FAM200B: variants seen among roughly 807,000 people sequenced by gnomAD.
The protein encoded by FAM200B is protein FAM200B.
Under a neutral mutation model 33.1 loss-of-function variants are expected in FAM200B, and 32 were observed. The ratio of observed to expected loss-of-function variants is 0.97; its 90% CI spans 0.73 to 1.30. The LOEUF (loss-of-function observed/expected upper bound fraction) is 1.30. FAM200B is among the 50% of genes most tolerant of loss of function. The pLI, the probability that FAM200B is intolerant of heterozygous loss-of-function variation, is 0.00. For missense variants in FAM200B, 741 were observed against 754.0 expected, an observed-to-expected ratio of 0.98 and a Z score of 0.20; for synonymous variants, 240 against 264.8, an observed-to-expected ratio of 0.91 and a Z score of 0.91.
the FAM200B span, among the ~76,000 whole-genome samples, chr4:15,642,787 A>G: frequency 6.6e-6 from 1 of 152,138 alleles, no homozygotes; most frequent in Admixed American, 6.5e-5. Flanking sequence ...ACCACCTCCT[A>G]TTCATAAATG....
chr4:15,667,011 G>GT, the FAM200B span, among the ~76,000 whole-genome samples: 1 of 151,980 alleles, frequency 6.6e-6, no homozygotes, highest in South Asian at 2.1e-4. Context: ...CAAAATAATC[G>GT]TAATTTTAAA....
the FAM200B span, chr4:15,656,263 C>A: frequency 2.2e-6 from 1 of 456,222 alleles, no homozygotes; most frequent in Admixed American, 2.3e-5. Flanking sequence ...CATAAATCGC[C>A]TGGCCCTGGC....
chr4:15,643,558 A>T, the FAM200B span, among the ~76,000 whole-genome samples: 1 of 131,648 alleles, frequency 7.6e-6, no homozygotes, highest in Non-Finnish European at 1.6e-5. Flanking sequence ...GGCGCCTGCC[A>T]CTATGTCTGG....
rs1328394692 is a variant in FAM200B, at chr4:15,687,692, A to G, written c.715A>G (p.Thr239Ala). Residue 239 changes from threonine (T) to alanine (A), a missense_variant, in exon 2 of 2, where the codon ACA (threonine) becomes GCA (alanine). Physicochemically the swap from Thr to Ala is moderately conservative, Grantham distance 58. Coordinates refer to ENST00000422728, the MANE Select transcript of FAM200B (RefSeq NM_001145191.2). Reference sequence around the variant, plus strand: ...TGAAAGCACTGATATTGGAAGCTGCACAACACTTTTAGTTTATGTCAGATA... The same window carrying G: ...TGAAAGCACTGATATTGGAAGCTGCGCAACACTTTTAGTTTATGTCAGATA... ...LDESTDIGSC[T>A]TLLVYVRYAW... The G allele has an allele frequency of 6.4e-7, 1 of 1,551,336 alleles. No individual in the cohort carries two copies. The highest frequency in any genetic ancestry group is 1.2e-5 in the South Asian group (1 of 84,054).
rs1235348681 is a variant in FAM200B at position 15,688,794 on chromosome 4, C to G, written c.1817C>G (p.Thr606Arg). ...AGTGTCCTGCTATTGCTACCATTCA[C>G]AACAACTAGTTTGTGTGAACTAGGG... ...RKSVLLLLPF[T>R]TTSLCELGFS... Residue 606 changes from threonine (T) to arginine (R), a missense_variant, in exon 2 of 2, where the codon ACA (threonine) becomes AGA (arginine). By Grantham distance (71) the Thr-to-Arg change is moderately conservative. Transcript: ENST00000422728. The G allele has an allele frequency of 6.4e-7, 1 of 1,551,288 alleles. No individual in the cohort carries two copies. Among genetic ancestry groups the G allele is most frequent in the East Asian group, 2.4e-5 (1 of 40,894 alleles).
At chr4:15,641,666 G>A in the FAM200B span, 2 of 447,780 alleles carry the variant, frequency 4.5e-6, no homozygotes, top group Non-Finnish European at 8.8e-6. Context: ...AGTTATACGT[G>A]GATTTTCAAC....
chr4:15,655,218 G>T, the FAM200B span: 1 of 1,433,698 alleles, frequency 7.0e-7, no homozygotes, highest in South Asian at 1.3e-5. Context: ...TCGCAGTAGA[G>T]CCCCACCAGC....
At chr4:15,671,427 T>C in the FAM200B span, among the ~76,000 whole-genome samples, 2 of 152,130 alleles carry the variant, frequency 1.3e-5, no homozygotes, top group Admixed American at 6.5e-5. Context: ...AATTTGATTA[T>C]GGTGTACTCT....
At chr4:15,682,382 T>C (rs1033221891) in intron 1 of FAM200B, among the ~76,000 whole-genome samples, 1 of 152,044 alleles carries the variant, frequency 6.6e-6, no homozygotes, top group Admixed American at 6.6e-5. Flanking sequence ...AGAAAAAAGG[T>C]AGAAACAAAA....
At chr4:15,638,797 A>G in the FAM200B span, 6 of 676,322 alleles carry the variant, frequency 8.9e-6, no homozygotes, top group Non-Finnish European at 1.4e-5. Flanking sequence ...TTATGACCAT[A>G]TATCTCAAAA....
In FAM200B at chr4:15,687,344, CAAAG is replaced by C. The variant is rs779687212; in HGVS notation, c.375_378del (p.Lys127ThrfsTer2). 4 of 1,543,306 alleles carry C rather than the reference CAAAG, an allele frequency of 2.6e-6. No homozygotes were observed. In the South Asian group the frequency reaches 3.6e-5, roughly 14 times the overall value. On this transcript the variant is annotated frameshift_variant, in exon 2 of 2. Transcript: ENST00000422728. LOFTEE classifies it high-confidence loss of function. ...TATTGATAAGCCTCTTGAATATTTT[CAAAG>C]AAAGAAAAAAGACATAAAGTTATCA...
At chr4:15,648,944 G>A in the FAM200B span, among the ~76,000 whole-genome samples, 3 of 152,082 alleles carry the variant, frequency 2.0e-5, no homozygotes, top group Non-Finnish European at 4.4e-5. Context: ...CAATGTACAT[G>A]TATATCAAAG....
upstream of FAM200B, among the ~76,000 whole-genome samples, chr4:15,676,822 TTC>T (rs1028899600): frequency 6.6e-5 from 10 of 152,194 alleles, no homozygotes; most frequent in Admixed American, 2.0e-4. Flanking sequence ...TGATTTTCAG[TTC>T]TGTTAAGTAC....
rs987941256 is a variant in FAM200B, at chr4:15,686,995, TAAAAG to T, written c.22_26del (p.Arg8GlufsTer3). 3.2e-5 allele frequency: 44 copies of T among 1,396,104 alleles called. No individual in the cohort carries two copies. Among genetic ancestry groups the T allele is most frequent in the Admixed American group, 2.5e-4 (8 of 32,172 alleles). The allele number at this position is 1,396,104 out of a possible 1,614,324, so 86.5% of individuals were successfully genotyped here. ...CTATTAAAATGGATCATTTCTTTATTAAAAGAAAGAGGAATAGTGAAGTGAAATAT... is the reference window on the plus strand; with the variant it reads ...CTATTAAAATGGATCATTTCTTTATTAAAGAGGAATAGTGAAGTGAAATAT... On this transcript the variant is annotated frameshift_variant, in exon 2 of 2. Coordinates refer to ENST00000422728, the MANE Select transcript of FAM200B (RefSeq NM_001145191.2). LOFTEE classifies it high-confidence loss of function.
the FAM200B span, among the ~76,000 whole-genome samples, chr4:15,666,385 G>C: frequency 1.3e-5 from 2 of 152,074 alleles, no homozygotes; most frequent in East Asian, 3.9e-4. Flanking sequence ...GGGAGACAGA[G>C]CAAGACCCTG....
chr4:15,688,597 A>G lies in FAM200B; in HGVS notation c.1620A>G (p.Pro540=), dbSNP rs185784825. 2.6e-6 allele frequency: 4 copies of G among 1,551,158 alleles called. No homozygotes were observed. In the African/African-American group the frequency reaches 4.1e-5, roughly 16 times the overall value. Reference sequence around the variant, plus strand: ...GGGAAAACAGTTGGGTAAAAGATCCATTTGCTTTTCGACACCCTGAATCAA... The same window carrying G: ...GGGAAAACAGTTGGGTAAAAGATCCGTTTGCTTTTCGACACCCTGAATCAA... The part of the protein sequence containing the change: ...TLRENSWVKD[P]FAFRHPESII... Residue 540 remains proline, a synonymous_variant, in exon 2 of 2, where the codon CCA becomes CCG. Coordinates refer to ENST00000422728, the MANE Select transcript of FAM200B (RefSeq NM_001145191.2).
chr4:15,651,205 A>C, the FAM200B span, among the ~76,000 whole-genome samples: 4 of 152,332 alleles, frequency 2.6e-5, no homozygotes, highest in East Asian at 7.7e-4. Flanking sequence ...AGATGGAAAA[A>C]ATGATGACCC....
In FAM200B at chr4:15,687,123, T is replaced by C. The variant is rs1394946136; in HGVS notation, c.146T>C (p.Phe49Ser). Residue 49 changes from phenylalanine (F) to serine (S), a missense_variant, in exon 2 of 2, where the codon TTT (phenylalanine) becomes TCT (serine). Coordinates refer to ENST00000422728, the MANE Select transcript of FAM200B (RefSeq NM_001145191.2). Reference protein sequence around the residue: ...TDSNLQTSTSFEPHFKKKKVS... With the variant: ...TDSNLQTSTSSEPHFKKKKVS... ...TCCAATCTGCAAACTTCAACTTCAT[T>C]TGAGCCACATTTCAAAAAGAAAAAA... is the stretch of plus-strand genomic sequence containing the variant. 1.9e-6 allele frequency: 3 copies of C among 1,548,608 alleles called. No individual in the cohort carries two copies. Among genetic ancestry groups the C allele is most frequent in the Admixed American group, 4.0e-5 (2 of 50,486 alleles).
In FAM200B at chr4:15,687,310, T is replaced by C. The variant is rs1001006260; in HGVS notation, c.333T>C (p.His111=). 4.5e-6 allele frequency: 7 copies of C among 1,546,280 alleles called. No homozygotes were observed. The African/African-American group carries it at 9.6e-5, about 21-fold the overall frequency. Reference sequence around the variant, plus strand: ...TAAAAAGGCACTTAGAAACTCAGCATGCTGAACTTATTGATAAGCCTCTTG... The same window carrying C: ...TAAAAAGGCACTTAGAAACTCAGCACGCTGAACTTATTGATAAGCCTCTTG... ...SKLKRHLETQ[H]AELIDKPLEY... is the part of the protein sequence containing the mutation. The change falls in exon 2 of 2, where the codon CAT becomes CAC. Residue 111 remains histidine (H), a synonymous_variant. Coordinates refer to ENST00000422728, the MANE Select transcript of FAM200B (RefSeq NM_001145191.2).
Sources: gnomAD v4.1 joint callset for allele counts (sites outside exome capture counted in the v4.1 genomes callset) on GRCh38, gnomAD v4.1.1 for gene constraint, MANE v1.5 for transcripts, NCBI Gene and HGNC (gene_info 2026-07-23, HGNC 2026-07-21) for gene names.